The following PTPRN2 variants were observed in gnomAD, a reference collection of about 807,000 sequenced individuals.
PTPRN2 encodes receptor-type tyrosine-protein phosphatase N2.
In PTPRN2, 74 loss-of-function variants were observed where a neutral mutation model predicts 118.8. The observed-to-expected ratio is 0.62, with a 90% CI of 0.52 to 0.76. PTPRN2 has a LOEUF of 0.76. Ranked by LOEUF, PTPRN2 falls within the 30% of genes least tolerant of loss-of-function variation. PTPRN2 has a pLI of 0.00. For missense variants in PTPRN2, 1,481 were observed against 1,394.4 expected, an observed-to-expected ratio of 1.06 and a Z score of -0.99; for synonymous variants, 641 against 608.0, an observed-to-expected ratio of 1.05 and a Z score of -0.80.
At chr7:157,836,041 C>T (rs763679460) in intron 12 of PTPRN2, among the ~76,000 whole-genome samples, 1 of 152,108 alleles carries the variant, frequency 6.6e-6, no homozygotes, top group Non-Finnish European at 1.5e-5. Context: ...GAAGAGTACT[C>T]GTGAGTCTAT....
intron 3 of PTPRN2, among the ~76,000 whole-genome samples, chr7:158,297,724 T>C (rs1800599188): frequency 6.6e-6 from 1 of 152,230 alleles, no homozygotes. Context: ...CACGTGCCTA[T>C]GTTTAAAATA....
At chr7:158,168,530 G>A (rs987483321) in intron 5 of PTPRN2, among the ~76,000 whole-genome samples, 5 of 152,204 alleles carry the variant, frequency 3.3e-5, no homozygotes, top group Admixed American at 3.3e-4. Context: ...GCAACCCTCA[G>A]CAGAGGCCTC....
At chr7:158,168,510 C>G (rs1225824328) in intron 5 of PTPRN2, among the ~76,000 whole-genome samples, 3 of 152,234 alleles carry the variant, frequency 2.0e-5, no homozygotes. Context: ...ATAGCTGAAT[C>G]TCTCTTTCAG....
chr7:158,273,139 A>C (rs1324339318), intron 3 of PTPRN2, among the ~76,000 whole-genome samples: 2 of 152,122 alleles, frequency 1.3e-5, no homozygotes, highest in East Asian at 3.9e-4. Context: ...CCCCAGCTGC[A>C]GGATTCGAGT....
In PTPRN2 at chr7:157,568,884, G is replaced by T; in HGVS notation, c.2902+18C>A. The T allele has an allele frequency of 1.3e-6, 2 of 1,539,842 alleles. No homozygotes were observed. The highest frequency in any genetic ancestry group is 1.1e-5 in the South Asian group (1 of 89,490). On this transcript the variant is annotated intron_variant, in intron 21 of 22. Coordinates refer to ENST00000389418, the MANE Select transcript of PTPRN2 (RefSeq NM_002847.5). ...CCCAGCTCTGAGCCGCAACAAAGCG[G>T]CAGTGTCTGTGTCTCACCTTTGGCC...
intron 5 of PTPRN2, among the ~76,000 whole-genome samples, chr7:158,172,932 CA>C (rs1823844100): frequency 6.6e-6 from 1 of 151,234 alleles, no homozygotes; most frequent in South Asian, 2.1e-4. Context: ...TCCCCACCAT[CA>C]TCACTTCCAC....
intron 2 of PTPRN2, among the ~76,000 whole-genome samples, chr7:158,447,249 C>T (rs1302210861): frequency 1.3e-5 from 2 of 152,172 alleles, no homozygotes; most frequent in African/African-American, 4.8e-5. Context: ...CAGCCTCCAC[C>T]GTTAAGCAAA....
At chr7:158,146,597 T>A (rs955940781) in intron 6 of PTPRN2, among the ~76,000 whole-genome samples, 1 of 150,394 alleles carries the variant, frequency 6.6e-6, no homozygotes, top group African/African-American at 2.5e-5. Flanking sequence ...GGCGGGCGCC[T>A]GTAGTCCCAG....
intron 3 of PTPRN2, among the ~76,000 whole-genome samples, chr7:158,259,551 G>A (rs997020589): frequency 1.3e-5 from 2 of 152,208 alleles, no homozygotes; most frequent in Admixed American, 6.5e-5. Context: ...GGGCGTGTCT[G>A]CCAAAGGTGG....
intron 12 of PTPRN2, among the ~76,000 whole-genome samples, chr7:157,771,694 CACAA>C (rs1336902241): frequency 3.9e-5 from 6 of 152,106 alleles, no homozygotes; most frequent in South Asian, 2.1e-4. Context: ...CATGCAGACA[CACAA>C]ACACACAGAC....
intron 9 of PTPRN2, among the ~76,000 whole-genome samples, chr7:158,115,832 A>C (rs552049180): frequency 8.5e-4 from 130 of 152,310 alleles, no homozygotes; most frequent in African/African-American, 3.0e-3. Flanking sequence ...AAACACACGG[A>C]GTCTGTGTTG....
intron 17 of PTPRN2, among the ~76,000 whole-genome samples, chr7:157,594,203 G>C (rs1650163007): frequency 6.6e-6 from 1 of 152,258 alleles, no homozygotes; most frequent in South Asian, 2.1e-4. Context: ...CAAGGGCAGA[G>C]AGAGGAGGCT....
At chr7:158,000,058 T>G (rs755596751) in intron 11 of PTPRN2, among the ~76,000 whole-genome samples, 25 of 152,222 alleles carry the variant, frequency 1.6e-4, no homozygotes, top group Non-Finnish European at 3.7e-4. Flanking sequence ...GGCTAATTTC[T>G]GTATTTTTAG....
At chr7:157,982,787 C>T (rs1429436123) in intron 11 of PTPRN2, among the ~76,000 whole-genome samples, 35 of 67,444 alleles carry the variant, frequency 5.2e-4, no homozygotes, top group East Asian at 1.0e-3. Flanking sequence ...CCCCGAGTCA[C>T]AGAGACGAGG....
At chr7:157,795,869 G>A (rs1163862378) in intron 12 of PTPRN2, among the ~76,000 whole-genome samples, 1 of 152,194 alleles carries the variant, frequency 6.6e-6, no homozygotes, top group East Asian at 1.9e-4. Context: ...CCTGCCTGAC[G>A]GAGGGAGCCC....
intron 11 of PTPRN2, among the ~76,000 whole-genome samples, chr7:157,982,253 AC>A (rs1803285490): frequency 7.7e-6 from 1 of 130,700 alleles, no homozygotes; most frequent in African/African-American, 2.9e-5. Context: ...GTCCCCCCAA[AC>A]CCCGAGTCAT....
In PTPRN2 at chr7:157,585,612, C is replaced by T. The variant is rs548463436; in HGVS notation, c.2497-7472G>A. Among the ~76,000 whole-genome samples the T allele has an allele frequency of 1.5e-4, 23 of 152,330 alleles. No individual in the cohort carries two copies. Among genetic ancestry groups the T allele is most frequent in the African/African-American group, 5.3e-4 (22 of 41,566 alleles). On this transcript the variant is annotated intron_variant, in intron 17 of 22. Transcript: ENST00000389418. This position sits in a 1 kb window ranked among gnomAD's most constrained non-coding sequence, Gnocchi z 5.2. ...ACTCCCTGTGGCCTCTGCCTGTGCT[C>T]ACGTTCCCGGTTAAATATGCGCCTG...
chr7:158,248,961 GCA>G (rs781692444), intron 3 of PTPRN2, among the ~76,000 whole-genome samples: 167 of 139,782 alleles, frequency 1.2e-3, no homozygotes, highest in Admixed American at 3.3e-3. Context: ...TCACATACAT[GCA>G]CATACACGTG....
chr7:158,417,141 GGTGTAAGTCACA>G (rs1814736287), intron 2 of PTPRN2, among the ~76,000 whole-genome samples: 1 of 151,816 alleles, frequency 6.6e-6, no homozygotes, highest in African/African-American at 2.4e-5. Flanking sequence ...TCAGTGTCCT[GGTGTAAGTCACA>G]GTGTACTACA....
Sources: gnomAD v4.1 joint callset for allele counts (sites outside exome capture counted in the v4.1 genomes callset) on GRCh38, gnomAD v4.1.1 for gene constraint, Gnocchi (gnomAD v3.1) non-coding constraint, MANE v1.5 for transcripts, NCBI Gene and HGNC (gene_info 2026-07-23, HGNC 2026-07-21) for gene names.